SOX2: variants seen among roughly 807,000 people sequenced by gnomAD.
The protein encoded by SOX2 is SRY-box transcription factor 2, also known as transcription factor SOX-2.
Under a neutral mutation model 19.7 loss-of-function variants are expected in SOX2, and 2 were observed. The ratio of observed to expected loss-of-function variants is 0.10; its 90% confidence interval spans 0.04 to 0.32. The LOEUF (loss-of-function observed/expected upper bound fraction) is 0.32, where lower values mean the gene tolerates loss of function less well. Ranked by LOEUF, SOX2 falls within the 10% of genes least tolerant of loss-of-function variation. The probability of loss-of-function intolerance (pLI) is 1.00; values close to 1 mark genes in which losing one functional copy is unlikely to be tolerated. For missense variants in SOX2, 294 were observed against 459.9 expected (o/e 0.64, Z 3.30); for synonymous variants, 211 against 196.8 (o/e 1.07, Z -0.60).
chr3:181,714,173 A>G lies in SOX2; in HGVS notation c.*859A>G, dbSNP rs992512260. On this transcript the variant is annotated 3_prime_UTR_variant, in exon 1 of 1. Coordinates refer to ENST00000325404, the MANE Select transcript of SOX2 (RefSeq NM_003106.4). Reference sequence around the variant, plus strand: ...CCATTTTGTTCAGATAAAAAAAACCATGAAATTACTGTGTTTGAAATATTT... The same window carrying G: ...CCATTTTGTTCAGATAAAAAAAACCGTGAAATTACTGTGTTTGAAATATTT... 8.3e-6 allele frequency: 2 copies of G among 242,368 alleles called. No individual in the cohort carries two copies. The highest frequency in any genetic ancestry group is 1.7e-5 in the Non-Finnish European group (2 of 114,698). The allele number at this position is 242,368 out of a possible 1,614,324, so 15.0% of individuals were successfully genotyped here. A position where few individuals can be genotyped will look rare whatever the true frequency, so the allele number is the denominator to read the frequency against.
Position 181,713,335 on chromosome 3 carries a change from G to C in SOX2, c.*21G>C. ...TGTGAGGGCCGGACAGCGAACTGGA[G>C]GGGGGAGAAATTTTCAAAGAAAAAC... On this transcript the variant is annotated 3_prime_UTR_variant, in exon 1 of 1. Coordinates refer to ENST00000325404, the MANE Select transcript of SOX2 (RefSeq NM_003106.4). 1.9e-6 allele frequency: 3 copies of C among 1,553,464 alleles called. No homozygotes were observed. The highest frequency in any genetic ancestry group is 2.0e-5 in the Admixed American group (1 of 51,270).
At position 181,713,009 on chromosome 3, in the gene SOX2, A is replaced by C; in HGVS notation, c.649A>C (p.Met217Leu). The C allele has an allele frequency of 6.2e-7, 1 of 1,613,910 alleles. No individual in the cohort carries two copies. Among genetic ancestry groups the C allele is most frequent in the Non-Finnish European group, 8.5e-7 (1 of 1,180,022 alleles). The change falls in exon 1 of 1, where the codon ATG becomes CTG. Residue 217 changes from methionine to leucine, a missense_variant. Coordinates refer to ENST00000325404, the MANE Select transcript of SOX2 (RefSeq NM_003106.4). ...CTCCATGACCAGCTCGCAGACCTAC[A>C]TGAACGGCTCGCCCACCTACAGCAT... ...YNSMTSSQTY[M>L]NGSPTYSMSY...
chr3:181,713,156 C>A lies in SOX2; in HGVS notation c.796C>A (p.Gln266Lys). Residue 266 changes from glutamine to lysine, a missense_variant, in exon 1 of 1, where the codon CAG becomes AAG. By Grantham distance (53) the Gln-to-Lys change is moderately conservative. This residue lies in a region of SOX2 where 223 missense variants were observed against 292.7 expected (regional missense o/e 0.76). Transcript: ENST00000325404. ...TSSSHSRAPC[Q>K]AGDLRDMISM... is the part of the protein sequence containing the mutation. ...TTCCTCCCACTCCAGGGCGCCCTGC[C>A]AGGCCGGGGACCTCCGGGACATGAT... The A allele has an allele frequency of 6.2e-7, 1 of 1,613,614 alleles. No homozygotes were observed. Among genetic ancestry groups the A allele is most frequent in the Non-Finnish European group, 8.5e-7 (1 of 1,180,020 alleles).
chr3:181,713,150 C>A lies in SOX2; in HGVS notation c.790C>A (p.Pro264Thr), dbSNP rs1383014223. 2 of 1,613,660 alleles carry A rather than the reference C, an allele frequency of 1.2e-6. No homozygotes were observed. The highest frequency in any genetic ancestry group is 4.5e-5 in the East Asian group (2 of 44,844). ...TACCTCTTCCTCCCACTCCAGGGCG[C>A]CCTGCCAGGCCGGGGACCTCCGGGA... Reference protein sequence around the residue: ...VVTSSSHSRAPCQAGDLRDMI... With the variant: ...VVTSSSHSRATCQAGDLRDMI... Residue 264 changes from proline to threonine, a missense_variant, in exon 1 of 1, where the codon CCC becomes ACC. Coordinates refer to ENST00000325404, the MANE Select transcript of SOX2 (RefSeq NM_003106.4).
chr3:181,712,708 C>G lies in SOX2; in HGVS notation c.348C>G (p.Thr116=), dbSNP rs1262795478. 6.2e-7 allele frequency: 1 copy of G among 1,613,792 alleles called. No individual in the cohort carries two copies. Among genetic ancestry groups the G allele is most frequent in the Non-Finnish European group, 8.5e-7 (1 of 1,179,848 alleles). Reference sequence around the variant, plus strand: ...ATAAATACCGGCCCCGGCGGAAAACCAAGACGCTCATGAAGAAGGATAAGT... The same window carrying G: ...ATAAATACCGGCCCCGGCGGAAAACGAAGACGCTCATGAAGAAGGATAAGT... ...PDYKYRPRRK[T]KTLMKKDKYT... is the part of the protein sequence containing the mutation. The change falls in exon 1 of 1, where the codon ACC becomes ACG. Residue 116 remains threonine (T), a synonymous_variant. Transcript: ENST00000325404. The surrounding 1 kb of genome is among the most constrained non-coding windows in gnomAD (Gnocchi z 8.5).
chr3:181,713,490 C>A lies in SOX2; in HGVS notation c.*176C>A. ...CAAATGACAGCTGCAAAAGAGAACA[C>A]CAATCCCATCCACACTCACGCAAAA... On this transcript the variant is annotated 3_prime_UTR_variant, in exon 1 of 1. Transcript: ENST00000325404. 1 of 832,420 alleles carries A rather than the reference C, an allele frequency of 1.2e-6. No homozygotes were observed. Among genetic ancestry groups the A allele is most frequent in the Non-Finnish European group, 1.9e-6 (1 of 531,226 alleles). 51.6% of individuals were successfully genotyped at this position (832,420 alleles called of 1,614,324 possible).
In SOX2 at chr3:181,712,411, T is replaced by A; in HGVS notation, c.51T>A (p.Thr17=). 1 of 1,590,994 alleles carries A rather than the reference T, an allele frequency of 6.3e-7. No individual in the cohort carries two copies. Residue 17 remains threonine (T), a synonymous_variant, in exon 1 of 1, where the codon ACT becomes ACA. Coordinates refer to ENST00000325404, the MANE Select transcript of SOX2 (RefSeq NM_003106.4). The surrounding 1 kb of genome is among the most constrained non-coding windows in gnomAD (Gnocchi z 8.5). Reference sequence around the variant, plus strand: ...TGAAGCCGCCGGGCCCGCAGCAAACTTCGGGGGGCGGCGGCGGCAACTCCA... The same window carrying A: ...TGAAGCCGCCGGGCCCGCAGCAAACATCGGGGGGCGGCGGCGGCAACTCCA... The part of the protein sequence containing the change: ...TELKPPGPQQ[T]SGGGGGNSTA...
rs1225754888 is a variant in SOX2 at position 181,713,361 on chromosome 3, G to A, written c.*47G>A. The A allele has an allele frequency of 2.6e-6, 4 of 1,550,322 alleles. No homozygotes were observed. The highest frequency in any genetic ancestry group is 3.5e-6 in the Non-Finnish European group (4 of 1,146,832). On this transcript the variant is annotated 3_prime_UTR_variant, in exon 1 of 1. Coordinates refer to ENST00000325404, the MANE Select transcript of SOX2 (RefSeq NM_003106.4). The stretch of plus-strand genomic sequence containing the variant: ...GGGGGAGAAATTTTCAAAGAAAAAC[G>A]AGGGAAATGGGAGGGGTGCAAAAGA...
rs1576853867 is a variant in SOX2, at chr3:181,713,324, A to T, written c.*10A>T. 1 of 1,557,724 alleles carries T rather than the reference A, an allele frequency of 6.4e-7. No individual in the cohort carries two copies. ...CCTCTCACACATGTGAGGGCCGGAC[A>T]GCGAACTGGAGGGGGGAGAAATTTT... On this transcript the variant is annotated 3_prime_UTR_variant, in exon 1 of 1. Transcript: ENST00000325404.
chr3:181,713,297 C>A lies in SOX2; in HGVS notation c.937C>A (p.Pro313Thr). The A allele has an allele frequency of 6.3e-7, 1 of 1,581,318 alleles. No individual in the cohort carries two copies. The highest frequency in any genetic ancestry group is 8.6e-7 in the Non-Finnish European group (1 of 1,163,754). ...CGGCACGGCCATTAACGGCACACTG[C>A]CCCTCTCACACATGTGAGGGCCGGA... ...VPGTAINGTL[P>T]LSHM The change falls in exon 1 of 1, where the codon CCC becomes ACC. Residue 313 changes from proline (P) to threonine (T), a missense_variant. Transcript: ENST00000325404.
rs1239249423 is a variant in SOX2, at chr3:181,713,892, T to G, written c.*578T>G. 1 of 248,978 alleles carries G rather than the reference T, an allele frequency of 4.0e-6. No homozygotes were observed. The highest frequency in any genetic ancestry group is 2.2e-5 in the African/African-American group (1 of 45,340). 15.4% of individuals were successfully genotyped at this position (248,978 alleles called of 1,614,324 possible). A position where few individuals can be genotyped will look rare whatever the true frequency, so the allele number is the denominator to read the frequency against. On this transcript the variant is annotated 3_prime_UTR_variant, in exon 1 of 1. Transcript: ENST00000325404. ...GAGAGGCTTCTTGCTGAATTTTGAT[T>G]CTGCAGCTGAAATTTAGGACAGTTG...
Position 181,713,124 on chromosome 3 carries a change from T to C in SOX2, c.764T>C (p.Val255Ala), listed in dbSNP as rs1714873241. The change falls in exon 1 of 1, where the codon GTT becomes GCT. Residue 255 changes from valine (V) to alanine (A), a missense_variant. Coordinates refer to ENST00000325404, the MANE Select transcript of SOX2 (RefSeq NM_003106.4). Reference sequence around the variant, plus strand: ...GAGGCCAGCTCCAGCCCCCCTGTGGTTACCTCTTCCTCCCACTCCAGGGCG... The same window carrying C: ...GAGGCCAGCTCCAGCCCCCCTGTGGCTACCTCTTCCTCCCACTCCAGGGCG... ...KSEASSSPPVVTSSSHSRAPC... is the reference protein window; with the variant it reads ...KSEASSSPPVATSSSHSRAPC... 1.9e-6 allele frequency: 3 copies of C among 1,613,574 alleles called. No homozygotes were observed. The highest frequency in any genetic ancestry group is 2.2e-5 in the East Asian group (1 of 44,836).
chr3:181,712,422 G>C lies in SOX2; in HGVS notation c.62G>C (p.Gly21Ala), dbSNP rs755517456. Residue 21 changes from glycine to alanine, a missense_variant, in exon 1 of 1, where the codon GGC (glycine) becomes GCC (alanine). This residue lies in a region of SOX2 where 51 missense variants were observed against 54.9 expected (regional missense o/e 0.93). Coordinates refer to ENST00000325404, the MANE Select transcript of SOX2 (RefSeq NM_003106.4). The surrounding 1 kb of genome is among the most constrained non-coding windows in gnomAD (Gnocchi z 8.5). The stretch of plus-strand genomic sequence containing the variant: ...GGCCCGCAGCAAACTTCGGGGGGCG[G>C]CGGCGGCAACTCCACCGCGGCGGCG... ...PPGPQQTSGG[G>A]GGNSTAAAAG... is the part of the protein sequence containing the mutation. 1.3e-6 allele frequency: 2 copies of C among 1,598,848 alleles called. No homozygotes were observed. The highest frequency in any genetic ancestry group is 1.7e-6 in the Non-Finnish European group (2 of 1,172,782).
In SOX2 at chr3:181,713,391, A is replaced by T. The variant is rs1714889370; in HGVS notation, c.*77A>T. ...AAATGGGAGGGGTGCAAAAGAGGAG[A>T]GTAAGAAACAGCATGGAGAAAACCC... On this transcript the variant is annotated 3_prime_UTR_variant, in exon 1 of 1. Transcript: ENST00000325404. 2 of 1,526,858 alleles carry T rather than the reference A, an allele frequency of 1.3e-6. No homozygotes were observed. Among genetic ancestry groups the T allele is most frequent in the Non-Finnish European group, 1.8e-6 (2 of 1,125,702 alleles). 94.6% of individuals were successfully genotyped at this position (1,526,858 alleles called of 1,614,324 possible).
At position 181,713,038 on chromosome 3, in the gene SOX2, C is replaced by T; in HGVS notation, c.678C>T (p.Ser226=). Residue 226 remains serine (S), a synonymous_variant, in exon 1 of 1, where the codon TCC becomes TCT. Coordinates refer to ENST00000325404, the MANE Select transcript of SOX2 (RefSeq NM_003106.4). ...YMNGSPTYSM[S]YSQQGTPGMA... The stretch of plus-strand genomic sequence containing the variant: ...ACGGCTCGCCCACCTACAGCATGTC[C>T]TACTCGCAGCAGGGCACCCCTGGCA... 1 of 1,613,818 alleles carries T rather than the reference C, an allele frequency of 6.2e-7. No homozygotes were observed. Among genetic ancestry groups the T allele is most frequent in the Non-Finnish European group, 8.5e-7 (1 of 1,180,024 alleles).
rs1377497267 is a variant in SOX2, at chr3:181,713,601, A to C, written c.*287A>C. ...ATTTTTGTACAGAGAAAACCTGGGG[A>C]GGGTGGGGAGGGCGGGGGAATGGAC... is the stretch of plus-strand genomic sequence containing the variant. On this transcript the variant is annotated 3_prime_UTR_variant, in exon 1 of 1. Coordinates refer to ENST00000325404, the MANE Select transcript of SOX2 (RefSeq NM_003106.4). 2.1e-5 allele frequency: 2 copies of C among 95,524 alleles called. No individual in the cohort carries two copies. Among genetic ancestry groups the C allele is most frequent in the Non-Finnish European group, 4.3e-5 (2 of 46,834 alleles). The allele number at this position is 95,524 out of a possible 1,614,324, so 5.9% of individuals were successfully genotyped here. A position where few individuals can be genotyped will look rare whatever the true frequency, so the allele number is the denominator to read the frequency against.
In SOX2 at chr3:181,713,605, T is replaced by TTGGGG; in HGVS notation, c.*291_*292insTGGGG. ...TTGTACAGAGAAAACCTGGGGAGGG[T>TTGGGG]GGGGAGGGCGGGGGAATGGACCTTG... is the stretch of plus-strand genomic sequence containing the variant. On this transcript the variant is annotated 3_prime_UTR_variant, in exon 1 of 1. Coordinates refer to ENST00000325404, the MANE Select transcript of SOX2 (RefSeq NM_003106.4). The TTGGGG allele has an allele frequency of 1.4e-5, 1 of 69,162 alleles. No homozygotes were observed. The highest frequency in any genetic ancestry group is 3.1e-5 in the Non-Finnish European group (1 of 32,500). The allele number at this position is 69,162 out of a possible 1,614,324, so 4.3% of individuals were successfully genotyped here.
At position 181,712,335 on chromosome 3, in the gene SOX2, G is replaced by T. The variant is rs1261362618; in HGVS notation, c.-26G>T. 2 of 1,340,800 alleles carry T rather than the reference G, an allele frequency of 1.5e-6. No homozygotes were observed. The highest frequency in any genetic ancestry group is 2.2e-5 in the South Asian group (1 of 44,956). The allele number at this position is 1,340,800 out of a possible 1,614,324, so 83.1% of individuals were successfully genotyped here. On this transcript the variant is annotated 5_prime_UTR_variant, in exon 1 of 1. Coordinates refer to ENST00000325404, the MANE Select transcript of SOX2 (RefSeq NM_003106.4). The surrounding 1 kb of genome is among the most constrained non-coding windows in gnomAD (Gnocchi z 8.5). Reference sequence around the variant, plus strand: ...GGGCCGAGGGTCGGCGGCCGCCGGCGGGCCGGGCCCGCGCACAGCGCCCGC... The same window carrying T: ...GGGCCGAGGGTCGGCGGCCGCCGGCTGGCCGGGCCCGCGCACAGCGCCCGC...
Position 181,712,517 on chromosome 3 carries a change from C to T in SOX2, c.157C>T (p.Arg53Cys). The change falls in exon 1 of 1, where the codon CGC (arginine) becomes TGC (cysteine). Residue 53 changes from arginine to cysteine, a missense_variant. Arg to Cys is a radical substitution (Grantham distance 180). Transcript: ENST00000325404. The surrounding 1 kb of genome is among the most constrained non-coding windows in gnomAD (Gnocchi z 8.5). ...RPMNAFMVWS[R>C]GQRRKMAQEN... The stretch of plus-strand genomic sequence containing the variant: ...CATGAATGCCTTCATGGTGTGGTCC[C>T]GCGGGCAGCGGCGCAAGATGGCCCA... The T allele has an allele frequency of 1.2e-6, 2 of 1,614,102 alleles. No individual in the cohort carries two copies. The highest frequency in any genetic ancestry group is 1.3e-5 in the African/African-American group (1 of 75,042).
Sources: allele counts gnomAD v4.1 joint callset, GRCh38; gene constraint gnomAD v4.1.1; regional missense constraint gnomAD v4.1.1; non-coding constraint Gnocchi (gnomAD v3.1); transcripts MANE v1.5; gene names NCBI Gene and HGNC (gene_info 2026-07-23, HGNC 2026-07-21).